The following BRCA1 variants were observed in gnomAD, a reference collection of about 807,000 sequenced individuals.
The protein encoded by BRCA1 is breast cancer type 1 susceptibility protein.
Under a neutral mutation model 173.7 loss-of-function variants are expected in BRCA1, and 140 were observed. The observed-to-expected ratio is 0.81, with a 90% CI of 0.70 to 0.93. The LOEUF (loss-of-function observed/expected upper bound fraction) is 0.93, where lower values mean the gene tolerates loss of function less well. Among genes scored for constraint, BRCA1 ranks in the 40% least tolerant of loss-of-function variants. The pLI is 0.00. For synonymous variants in BRCA1, 662 were observed against 756.0 expected (o/e 0.88, Z 2.04); for missense variants, 1,983 against 2,172.5 (o/e 0.91, Z 1.73).
rs8176169 is a variant in BRCA1, at chr17:43,087,610, C to T, written c.4185+3334G>A. Among the ~76,000 whole-genome samples the T allele has an allele frequency of 3.9e-4, 58 of 146,948 alleles. No individual in the cohort carries two copies. In the East Asian group the frequency reaches 0.011, roughly 27 times the overall value. On this transcript the variant is annotated intron_variant, in intron 11 of 22. Coordinates refer to ENST00000357654, the MANE Select transcript of BRCA1 (RefSeq NM_007294.4). ...CCGGGAGGCAGAGGATGCGGTGAGC[C>T]AAGGTCACACCACTGCACTCCAGCC...
chr17:43,067,744 A>G, intron 15 of BRCA1, 49 bp from the exon 16 acceptor site: 1 of 1,414,366 alleles, frequency 7.1e-7, no homozygotes, highest in Non-Finnish European at 1.0e-6. Flanking sequence ...TCTAGCACAC[A>G]GCTCAGAATA....
chr17:43,124,253 C>T (rs2154578483), intron 1 of BRCA1, 138 bp from the exon 2 acceptor site: 1 of 590,940 alleles, frequency 1.7e-6, no homozygotes, highest in South Asian at 2.3e-5. Flanking sequence ...GAACTAATGA[C>T]AACGTCCTTT....
At position 43,091,901 on chromosome 17, in the gene BRCA1, C is replaced by T. The variant is rs1188253884; in HGVS notation, c.3630G>A (p.Glu1210=). 1 of 1,614,136 alleles carries T rather than the reference C, an allele frequency of 6.2e-7. No homozygotes were observed. Among genetic ancestry groups the T allele is most frequent in the Non-Finnish European group, 8.5e-7 (1 of 1,180,008 alleles). The change falls in exon 10 of 23, where the codon GAG becomes GAA. Residue 1210 remains glutamate (E), a synonymous_variant. Transcript: ENST00000357654. ...QGYRRGAKKL[E]SSEENLSSED... Reference sequence around the variant, plus strand: ...CACTAGATAAGTTCTCTTCTGAGGACTCTAATTTCTTGGCCCCTCTTCGGT... The same window carrying T: ...CACTAGATAAGTTCTCTTCTGAGGATTCTAATTTCTTGGCCCCTCTTCGGT...
intron 1 of BRCA1, among the ~76,000 whole-genome samples, chr17:43,149,617 GAA>G (rs538705422): frequency 9.2e-5 from 14 of 152,144 alleles, no homozygotes; most frequent in Non-Finnish European, 1.9e-4. Context: ...AAGCTGGAAA[GAA>G]AGAGAGTGGT....
chr17:43,152,390 G>A (rs1038372217), intron 1 of BRCA1, among the ~76,000 whole-genome samples: 2 of 152,174 alleles, frequency 1.3e-5, no homozygotes, highest in Admixed American at 1.3e-4. Context: ...CTAGCAAGAC[G>A]TAGTAGAGAC....
chr17:43,056,807 C>G (rs893364968), intron 19 of BRCA1, among the ~76,000 whole-genome samples: 5 of 152,180 alleles, frequency 3.3e-5, no homozygotes, highest in African/African-American at 1.2e-4. Flanking sequence ...AAGATCTGAA[C>G]CCGAGACGGG....
rs1567768851 is a variant in BRCA1, at chr17:43,063,385, A to G, written c.5153-12T>C. 2 of 1,609,338 alleles carry G rather than the reference A, an allele frequency of 1.2e-6. No homozygotes were observed. Among genetic ancestry groups the G allele is most frequent in the Non-Finnish European group, 1.7e-6 (2 of 1,176,062 alleles). The stretch of plus-strand genomic sequence containing the variant: ...AGACTGGGTCACCCCTAAAGAGATC[A>G]TAGAAAAGACAGGTTACATACAGCA... On this transcript the variant is annotated splice_polypyrimidine_tract_variant and intron_variant, in intron 17 of 22. Coordinates refer to ENST00000357654, the MANE Select transcript of BRCA1 (RefSeq NM_007294.4).
rs587780795 is a variant in BRCA1 at position 43,093,827 on chromosome 17, A to C, written c.1704T>G (p.Pro568=). The C allele has an allele frequency of 1.9e-6, 3 of 1,613,474 alleles. No homozygotes were observed. Among genetic ancestry groups the C allele is most frequent in the Admixed American group, 3.3e-5 (2 of 59,910 alleles). The change falls in exon 10 of 23, where the codon CCT becomes CCG. Residue 568 remains proline (P), a synonymous_variant. Transcript: ENST00000357654. ...KGDSIQNEKN[P]NPIESLEKES... is the part of the protein sequence containing the mutation. ...CTTTTTCGAGTGATTCTATTGGGTT[A>C]GGATTTTTCTCATTCTGAATAGAAT...
rs2050832806 is a variant in BRCA1, at chr17:43,045,272, GT to G, written c.*405del. The stretch of plus-strand genomic sequence containing the variant: ...GACTCTCTGCCTTTGTGAACACAGG[GT>G]TTTAGAGAAGTAAACTTAGGGAAAC... On this transcript the variant is annotated 3_prime_UTR_variant, in exon 23 of 23. Coordinates refer to ENST00000357654, the MANE Select transcript of BRCA1 (RefSeq NM_007294.4). 2 of 544,418 alleles carry G rather than the reference GT, an allele frequency of 3.7e-6. No homozygotes were observed. Among genetic ancestry groups the G allele is most frequent in the Non-Finnish European group, 7.1e-6 (2 of 283,638 alleles). 33.7% of individuals were successfully genotyped at this position (544,418 alleles called of 1,614,324 possible). A position where few individuals can be genotyped will look rare whatever the true frequency, so the allele number is the denominator to read the frequency against.
At position 43,076,051 on chromosome 17, in the gene BRCA1, C is replaced by A. The variant is rs576071621; in HGVS notation, c.4484+437G>T. 2.6e-5 allele frequency among the ~76,000 whole-genome samples: 4 copies of A among 151,944 alleles called. No individual in the cohort carries two copies. In the South Asian group the frequency reaches 8.3e-4, roughly 32 times the overall value. On this transcript the variant is annotated intron_variant, in intron 13 of 22. Coordinates refer to ENST00000357654, the MANE Select transcript of BRCA1 (RefSeq NM_007294.4). ...GAGGATGCAGTGAGCCATGACTGCA[C>A]CACTGCAATCTAGGTGACACAGGGC...
At chr17:43,154,223 C>T (rs2056181588) in intron 1 of BRCA1, among the ~76,000 whole-genome samples, 1 of 151,648 alleles carries the variant, frequency 6.6e-6, no homozygotes, top group African/African-American at 2.4e-5. Flanking sequence ...CGGGGGCTCA[C>T]GCTTGTAATC....
At chr17:43,052,584 A>C (rs2051285801) in intron 19 of BRCA1, among the ~76,000 whole-genome samples, 1 of 152,138 alleles carries the variant, frequency 6.6e-6, no homozygotes, top group Non-Finnish European at 1.5e-5. Context: ...CTAAAATTGT[A>C]TCATTTTGGA....
At chr17:43,169,597 C>A (rs1262286006) in intron 1 of BRCA1, among the ~76,000 whole-genome samples, 3 of 152,158 alleles carry the variant, frequency 2.0e-5, no homozygotes, top group Non-Finnish European at 2.9e-5. Flanking sequence ...CTACAAACTG[C>A]CCCCTTCCCC....
At chr17:43,061,565 C>T (rs1462647828) in intron 18 of BRCA1, among the ~76,000 whole-genome samples, 1 of 151,456 alleles carries the variant, frequency 6.6e-6, no homozygotes, top group East Asian at 1.9e-4. Context: ...TCGAATTGTG[C>T]ACAATAGTTT....
Position 43,091,816 on chromosome 17 carries a change from A to T in BRCA1, c.3715T>A (p.Ser1239Thr), listed in dbSNP as rs1213036734. 1 of 1,614,180 alleles carries T rather than the reference A, an allele frequency of 6.2e-7. No individual in the cohort carries two copies. Among genetic ancestry groups the T allele is most frequent in the Admixed American group, 1.7e-5 (1 of 60,030 alleles). ...LLFGKVNNIP[S>T]QSTRHSTVAT... ...ACGGTGCTATGCCTAGTAGACTGAG[A>T]AGGTATATTGTTTACTTTACCAAAT... Residue 1239 changes from serine to threonine, a missense_variant, in exon 10 of 23, where the codon TCT (serine) becomes ACT (threonine). By Grantham distance (58) the Ser-to-Thr change is moderately conservative. Coordinates refer to ENST00000357654, the MANE Select transcript of BRCA1 (RefSeq NM_007294.4).
At chr17:43,069,016 C>T (rs1288522413) in intron 15 of BRCA1, among the ~76,000 whole-genome samples, 3 of 152,196 alleles carry the variant, frequency 2.0e-5, no homozygotes, top group Admixed American at 1.3e-4. Flanking sequence ...CCATCATTTA[C>T]TAGCCATAGC....
intron 11 of BRCA1, among the ~76,000 whole-genome samples, chr17:43,083,732 T>C (rs760659424): frequency 1.3e-5 from 2 of 152,162 alleles, no homozygotes; most frequent in Admixed American, 1.3e-4. Context: ...AAATAATGAG[T>C]TCTTTTTGCT....
intron 1 of BRCA1, chr17:43,138,394 G>T (rs2056045417): frequency 3.7e-6 from 2 of 538,666 alleles, no homozygotes; most frequent in Non-Finnish European, 6.7e-6. Flanking sequence ...TCAACTCAGG[G>T]CATGGTTGTG....
chr17:43,138,904 C>A (rs1485326989), intron 1 of BRCA1: 1 of 778,904 alleles, frequency 1.3e-6, no homozygotes, highest in East Asian at 2.4e-5. Context: ...CTTCTTCCAT[C>A]CTCTGGAAAT....
Sources: allele counts gnomAD v4.1 joint callset (sites outside exome capture counted in the v4.1 genomes callset), GRCh38; gene constraint gnomAD v4.1.1; transcripts MANE v1.5; gene names NCBI Gene and HGNC (gene_info 2026-07-23, HGNC 2026-07-21).